The following FMN2 variants were observed in gnomAD, a reference collection of about 807,000 sequenced individuals.
The protein encoded by FMN2 is formin 2.
A neutral mutation model predicts 142.3 loss-of-function variants in FMN2; 51 were observed. That is an observed-to-expected ratio of 0.36 (90% CI 0.29 to 0.45). The LOEUF is 0.45. Among genes scored for constraint, FMN2 ranks in the 20% least tolerant of loss-of-function variants. The pLI is 1.00. For missense variants in FMN2, 1,936 were observed against 2,122.8 expected (o/e 0.91, Z 1.73); for synonymous variants, 882 against 869.8 (o/e 1.01, Z -0.25).
rs56686860 is a variant in FMN2, at chr1:240,271,098, G to GTTTTTTTTTTTTTTTTTTTTTTTTTTTTT, written c.4153+13085_4153+13086insTTTTTTTTTTTTTTTTTTTTTTTTTTTTT. ...ACCCCCCTAGGAACTTTCCACGATG[G>GTTTTTTTTTTTTTTTTTTTTTTTTTTTTT]TTTTTTTTTTTTTTTTTTTGTGACT... is the stretch of plus-strand genomic sequence containing the variant. On this transcript the variant is annotated intron_variant, in intron 7 of 17. Coordinates refer to ENST00000319653, the MANE Select transcript of FMN2 (RefSeq NM_020066.5). Among the ~76,000 whole-genome samples the GTTTTTTTTTTTTTTTTTTTTTTTTTTTTT allele has an allele frequency of 5.8e-4, 42 of 72,228 alleles. 5 individuals carry two copies. The highest frequency in any genetic ancestry group is 9.3e-4 in the African/African-American group (14 of 15,106). 47.4% of individuals were successfully genotyped at this position (72,228 alleles called of 152,430 possible). A position where few individuals can be genotyped will look rare whatever the true frequency, so the allele number is the denominator to read the frequency against.
At chr1:240,300,300 C>G (rs1670151924) in intron 8 of FMN2, among the ~76,000 whole-genome samples, 1 of 152,180 alleles carries the variant, frequency 6.6e-6, no homozygotes, top group Non-Finnish European at 1.5e-5. Flanking sequence ...CATTAAATGA[C>G]TGTTGAATGA....
At chr1:240,268,935 A>T (rs1315460520) in intron 7 of FMN2, among the ~76,000 whole-genome samples, 1 of 151,956 alleles carries the variant, frequency 6.6e-6, no homozygotes, top group Non-Finnish European at 1.5e-5. Flanking sequence ...ATATTTAGAC[A>T]TATAAATATA....
At chr1:240,357,489 T>C (rs749461104) in intron 14 of FMN2, among the ~76,000 whole-genome samples, 1 of 152,236 alleles carries the variant, frequency 6.6e-6, no homozygotes, top group Non-Finnish European at 1.5e-5. Flanking sequence ...TTTATAATGA[T>C]TTGAAAGGCA....
At chr1:240,276,384 G>T (rs560780879) in intron 7 of FMN2, among the ~76,000 whole-genome samples, 1 of 152,158 alleles carries the variant, frequency 6.6e-6, no homozygotes, top group Non-Finnish European at 1.5e-5. Flanking sequence ...GGTTAAGAAT[G>T]TGTGTTAGGA....
At chr1:240,460,633 T>C (rs1409047953) in intron 16 of FMN2, among the ~76,000 whole-genome samples, 1 of 151,644 alleles carries the variant, frequency 6.6e-6, no homozygotes, top group South Asian at 2.1e-4. Context: ...ATAAATAAAA[T>C]ACATGTAAAT....
At chr1:240,346,140 A>G (rs530974748) in intron 13 of FMN2, among the ~76,000 whole-genome samples, 2 of 152,236 alleles carry the variant, frequency 1.3e-5, no homozygotes, top group East Asian at 3.9e-4. Context: ...GTCTCCCCTT[A>G]TCTGTGGGGA....
chr1:240,172,439 T>C (rs113729630), intron 2 of FMN2, among the ~76,000 whole-genome samples: 2 of 152,272 alleles, frequency 1.3e-5, no homozygotes, highest in African/African-American at 2.4e-5. Flanking sequence ...TTTAAAGAAA[T>C]AAAGTGTGAC....
At position 240,231,449 on chromosome 1, in the gene FMN2, A is replaced by C. The variant is rs374268140; in HGVS notation, c.4065+20214A>C. 5.9e-4 allele frequency among the ~76,000 whole-genome samples: 44 copies of C among 74,758 alleles called. 15 individuals carry two copies. The highest frequency in any genetic ancestry group is 3.5e-3 in the African/African-American group (44 of 12,584). The allele number at this position is 74,758 out of a possible 152,430, so 49.0% of individuals were successfully genotyped here. On this transcript the variant is annotated intron_variant, in intron 6 of 17. Transcript: ENST00000319653. ...GAATATTTTAGTGACAGAAAGTTGA[A>C]CAGGAAGGAAACAGGTGTTAGTGTA... is the stretch of plus-strand genomic sequence containing the variant.
At chr1:240,214,918 T>C (rs1395601192) in intron 6 of FMN2, among the ~76,000 whole-genome samples, 1 of 152,010 alleles carries the variant, frequency 6.6e-6, no homozygotes, top group Non-Finnish European at 1.5e-5. Flanking sequence ...ATATAAAAAT[T>C]AGCTGGGTGC....
intron 1 of FMN2, among the ~76,000 whole-genome samples, chr1:240,120,017 GA>G (rs1398259011): frequency 6.6e-6 from 1 of 152,094 alleles, no homozygotes; most frequent in Non-Finnish European, 1.5e-5. Context: ...TTCTGTAGGG[GA>G]AAAATTTGTT....
intron 2 of FMN2, among the ~76,000 whole-genome samples, chr1:240,134,774 G>T (rs1225464765): frequency 6.6e-6 from 1 of 152,092 alleles, no homozygotes; most frequent in Admixed American, 6.6e-5. Flanking sequence ...CTCTTCTTCT[G>T]GGCTTATTGC....
At chr1:240,184,480 T>C (rs1412566935) in intron 3 of FMN2, among the ~76,000 whole-genome samples, 2 of 150,854 alleles carry the variant, frequency 1.3e-5, no homozygotes, top group Non-Finnish European at 3.0e-5. Flanking sequence ...CCTCCCGAAG[T>C]GCTGGGATTA....
rs187571678 is a variant in FMN2, at chr1:240,212,352, C to T, written c.4065+1117C>T. On this transcript the variant is annotated intron_variant, in intron 6 of 17. Transcript: ENST00000319653. ...GTTGGCTGGGTGAGCAGGCTCACCC[C>T]AGGCATTTTATTAATCTGAGAATAA... 2.7e-3 allele frequency among the ~76,000 whole-genome samples: 410 copies of T among 152,264 alleles called. 3 individuals are homozygous for T. In the South Asian group the frequency reaches 0.027, roughly 10 times the overall value.
At chr1:240,342,203 A>C (rs959469832) in intron 13 of FMN2, among the ~76,000 whole-genome samples, 4 of 152,126 alleles carry the variant, frequency 2.6e-5, no homozygotes, top group African/African-American at 9.7e-5. Context: ...TTTCCTCTTT[A>C]TATGTTACCG....
At chr1:240,188,385 C>T (rs1197487704) in intron 4 of FMN2, 123 bp downstream of exon 4, 2 of 888,508 alleles carry the variant, frequency 2.3e-6, no homozygotes, top group Non-Finnish European at 3.5e-6. Context: ...TTTCCCTAAG[C>T]CTGCAGTGGA....
At chr1:240,114,656 CTTTT>C (rs1219188121) in intron 1 of FMN2, among the ~76,000 whole-genome samples, 1 of 137,716 alleles carries the variant, frequency 7.3e-6, no homozygotes, top group Non-Finnish European at 1.6e-5. Flanking sequence ...TATATCATTT[CTTTT>C]TTTTTTTTTT....
At chr1:240,441,066 C>A (rs1572318072) in intron 16 of FMN2, among the ~76,000 whole-genome samples, 2 of 147,214 alleles carry the variant, frequency 1.4e-5, no homozygotes, top group African/African-American at 5.0e-5. Context: ...GCGATCTTGG[C>A]TCACTGCAAC....
intron 6 of FMN2, among the ~76,000 whole-genome samples, chr1:240,250,902 C>T (rs12028448): frequency 0.056 from 8,499 of 151,960 alleles, 313 homozygotes; most frequent in South Asian, 0.098. Context: ...CTCTGATGAT[C>T]TTTTATATTT....
intron 6 of FMN2, among the ~76,000 whole-genome samples, chr1:240,248,839 A>G (rs1016756432): frequency 6.6e-6 from 1 of 151,972 alleles, no homozygotes; most frequent in Non-Finnish European, 1.5e-5. Flanking sequence ...TTTTTTTCAT[A>G]TACCTGTTGG....
Sources: allele counts gnomAD v4.1 joint callset (sites outside exome capture counted in the v4.1 genomes callset), GRCh38; gene constraint gnomAD v4.1.1; transcripts MANE v1.5; gene names NCBI Gene and HGNC (gene_info 2026-07-23, HGNC 2026-07-21).